ANKRD55: variants seen among roughly 807,000 people sequenced by gnomAD.
The protein encoded by ANKRD55 is ankyrin repeat domain-containing protein 55.
Under a neutral mutation model 60.6 loss-of-function variants are expected in ANKRD55, and 41 were observed. The observed-to-expected ratio is 0.68, with a 90% confidence interval of 0.53 to 0.88. The LOEUF (loss-of-function observed/expected upper bound fraction) is 0.88. ANKRD55 is among the 40% of genes least tolerant of loss of function. The pLI is 0.00. For synonymous variants in ANKRD55, 264 were observed against 290.3 expected, an observed-to-expected ratio of 0.91 and a Z score of 0.92; for missense variants, 732 against 767.6, an observed-to-expected ratio of 0.95 and a Z score of 0.55.
intron 8 of ANKRD55, among the ~76,000 whole-genome samples, chr5:56,125,972 A>G (rs907542839): frequency 1.2e-4 from 19 of 152,108 alleles, no homozygotes; most frequent in African/African-American, 4.6e-4. Flanking sequence ...TGTCTCTAAT[A>G]AAAATACAAA....
chr5:56,135,295 CTTTCTTT>C (rs1561263998), intron 7 of ANKRD55, among the ~76,000 whole-genome samples: 5 of 4,368 alleles, frequency 1.1e-3, no homozygotes, highest in East Asian at 8.1e-3. Context: ...TGCCTGCTTG[CTTTCTTT>C]CTTTCTTTCT....
At chr5:56,135,084 T>C (rs1757522907) in intron 7 of ANKRD55, among the ~76,000 whole-genome samples, 1 of 152,110 alleles carries the variant, frequency 6.6e-6, no homozygotes, top group South Asian at 2.1e-4. Flanking sequence ...AAACTAGGAA[T>C]AGAGAAGAAC....
intron 2 of ANKRD55, among the ~76,000 whole-genome samples, chr5:56,221,914 T>G (rs1330053426): frequency 6.6e-6 from 1 of 152,188 alleles, no homozygotes; most frequent in Non-Finnish European, 1.5e-5. Flanking sequence ...ACTCCACCTC[T>G]GGGGGCAGGG....
intron 2 of ANKRD55, chr5:56,193,074 T>C (rs1759140233): frequency 2.6e-6 from 2 of 770,140 alleles, no homozygotes; most frequent in Non-Finnish European, 4.1e-6. Flanking sequence ...TATTTCATAC[T>C]AGATAATTTG....
chr5:56,130,904 G>T (rs1757391465), intron 7 of ANKRD55, among the ~76,000 whole-genome samples: 1 of 152,130 alleles, frequency 6.6e-6, no homozygotes, highest in South Asian at 2.1e-4. Context: ...CTCTGCGCTT[G>T]AGAAGATCTC....
chr5:56,154,584 G>GT (rs368083555), intron 6 of ANKRD55, among the ~76,000 whole-genome samples: 112,786 of 134,666 alleles, frequency 0.84, 47,451 homozygotes, highest in Non-Finnish European at 0.87. Context: ...TAGTTTTAAA[G>GT]TTTTTTTTTT....
intron 7 of ANKRD55, among the ~76,000 whole-genome samples, chr5:56,129,724 G>A (rs1757362108): frequency 6.6e-6 from 1 of 152,180 alleles, no homozygotes; most frequent in Non-Finnish European, 1.5e-5. Flanking sequence ...TATGTTCTAT[G>A]GTGGTTTCTT....
At chr5:56,143,297 T>C (rs182512624) in intron 7 of ANKRD55, among the ~76,000 whole-genome samples, 90 of 152,336 alleles carry the variant, frequency 5.9e-4, no homozygotes, top group African/African-American at 2.0e-3. Flanking sequence ...CTCTGGACAA[T>C]AGATTTCTTG....
intron 5 of ANKRD55, 83 bp from the exon 6 acceptor site, chr5:56,159,976 G>A: frequency 8.3e-7 from 1 of 1,209,236 alleles, no homozygotes; most frequent in Admixed American, 1.9e-5. Flanking sequence ...CATGACCTTA[G>A]AAAAACCGTC....
chr5:56,109,931 T>G (rs913608711), intron 10 of ANKRD55, among the ~76,000 whole-genome samples: 2 of 151,896 alleles, frequency 1.3e-5, no homozygotes, highest in East Asian at 3.9e-4. Context: ...GGCAGGAGAA[T>G]CGCTTGAACC....
chr5:56,214,321 T>C (rs751534453), intron 2 of ANKRD55, among the ~76,000 whole-genome samples: 4 of 152,238 alleles, frequency 2.6e-5, no homozygotes, highest in Admixed American at 6.5e-5. Context: ...CAGTCATCCA[T>C]GTGACCTTAG....
Position 56,182,607 on chromosome 5 carries a change from T to C in ANKRD55, c.181+905A>G, listed in dbSNP as rs541956561. Among the ~76,000 whole-genome samples the C allele has an allele frequency of 6.5e-3, 988 of 152,314 alleles. 15 individuals carry two copies. Among genetic ancestry groups the C allele is most frequent in the African/African-American group, 0.022 (932 of 41,582 alleles). On this transcript the variant is annotated intron_variant, in intron 3 of 11. Coordinates refer to ENST00000341048, the MANE Select transcript of ANKRD55 (RefSeq NM_024669.3). ...CTGTTGATTATTTTTTCATTCAGTT[T>C]GGGATCTTCCTGTTTCTTGGTATGA... is the stretch of plus-strand genomic sequence containing the variant.
At chr5:56,223,384 A>T (rs1760021999) in intron 2 of ANKRD55, among the ~76,000 whole-genome samples, 1 of 152,254 alleles carries the variant, frequency 6.6e-6, no homozygotes, top group East Asian at 1.9e-4. Flanking sequence ...AACTGGTATC[A>T]GCCACTGCAA....
At chr5:56,135,632 G>A (rs905081130) in intron 7 of ANKRD55, among the ~76,000 whole-genome samples, 3 of 152,058 alleles carry the variant, frequency 2.0e-5, no homozygotes, top group African/African-American at 7.2e-5. Flanking sequence ...GCCTCCCAAA[G>A]TGCTAGGATT....
chr5:56,181,449 T>C (rs565833247), intron 3 of ANKRD55, among the ~76,000 whole-genome samples: 44 of 152,326 alleles, frequency 2.9e-4, no homozygotes, highest in African/African-American at 8.9e-4. Context: ...CTAAAGCTTT[T>C]TTTGTATTAA....
chr5:56,134,863 G>GA (rs1290992911), intron 7 of ANKRD55, among the ~76,000 whole-genome samples: 1 of 152,084 alleles, frequency 6.6e-6, no homozygotes, highest in Non-Finnish European at 1.5e-5. Context: ...ACATATTAGT[G>GA]AATAGAATCT....
chr5:56,153,040 G>T (rs1325478691), intron 6 of ANKRD55, among the ~76,000 whole-genome samples: 1 of 152,054 alleles, frequency 6.6e-6, no homozygotes, highest in African/African-American at 2.4e-5. Flanking sequence ...CAACCCAACA[G>T]CAAAGCATTA....
At position 56,169,783 on chromosome 5, in the gene ANKRD55, C is replaced by G. The variant is rs192841384; in HGVS notation, c.422+911G>C. 1.7e-3 allele frequency among the ~76,000 whole-genome samples: 260 copies of G among 152,222 alleles called. 1 individual carries two copies. The highest frequency in any genetic ancestry group is 2.6e-3 in the Non-Finnish European group (176 of 68,010). ...GAGGGTGAAGTATATAGAATATACT[C>G]CTTGTGCTGCTGGCCTATGACCTAG... On this transcript the variant is annotated intron_variant, in intron 5 of 11. Coordinates refer to ENST00000341048, the MANE Select transcript of ANKRD55 (RefSeq NM_024669.3).
chr5:56,222,743 A>G (rs1759999607), intron 2 of ANKRD55, among the ~76,000 whole-genome samples: 1 of 152,362 alleles, frequency 6.6e-6, no homozygotes, highest in East Asian at 1.9e-4. Flanking sequence ...AACTGGAAGA[A>G]AGGGTATCAG....
Sources: gnomAD v4.1 joint callset for allele counts (sites outside exome capture counted in the v4.1 genomes callset) on GRCh38, gnomAD v4.1.1 for gene constraint, MANE v1.5 for transcripts, NCBI Gene and HGNC (gene_info 2026-07-23, HGNC 2026-07-21) for gene names.